The following JAK2 variants were observed in gnomAD, a reference collection of about 807,000 sequenced individuals.
JAK2 encodes Janus kinase 2.
Under a neutral mutation model 139.3 loss-of-function variants are expected in JAK2, and 86 were observed. The ratio of observed to expected loss-of-function variants is 0.62; its 90% CI spans 0.52 to 0.74. The LOEUF is 0.74. Ranked by LOEUF, JAK2 falls within the 30% of genes least tolerant of loss-of-function variation. The pLI, the probability that JAK2 is intolerant of heterozygous loss-of-function variation, is 0.00. For missense variants in JAK2, 1,421 were observed against 1,360.3 expected (o/e 1.04, Z -0.70); for synonymous variants, 490 against 437.7 (o/e 1.12, Z -1.49).
chr9:5,093,720 C>A (rs191152362), intron 22 of JAK2, among the ~76,000 whole-genome samples: 1 of 152,242 alleles, frequency 6.6e-6, no homozygotes, highest in East Asian at 1.9e-4. Context: ...ATCAACAGAA[C>A]AAGTTACCCT....
At chr9:5,072,839 G>T (rs1819061987) in intron 13 of JAK2, among the ~76,000 whole-genome samples, 1 of 152,142 alleles carries the variant, frequency 6.6e-6, no homozygotes, top group Non-Finnish European at 1.5e-5. Context: ...ATTATGTTTA[G>T]CATTATGTTA....
intron 22 of JAK2, chr9:5,098,642 A>T (rs913915664): frequency 1.3e-5 from 2 of 152,166 alleles, no homozygotes; most frequent in African/African-American, 4.8e-5. Flanking sequence ...GCAATTGGTC[A>T]TCAATGATAT....
At chr9:5,022,842 T>C (rs1248406689) in intron 3 of JAK2, among the ~76,000 whole-genome samples, 1 of 152,238 alleles carries the variant, frequency 6.6e-6, no homozygotes, top group African/African-American at 2.4e-5. Flanking sequence ...GTTCTTTTAA[T>C]AGAAAGACTA....
intron 2 of JAK2, among the ~76,000 whole-genome samples, chr9:5,014,538 A>G (rs537230764): frequency 9.2e-5 from 14 of 152,194 alleles, no homozygotes; most frequent in Non-Finnish European, 2.1e-4. Flanking sequence ...AAAATATCAG[A>G]ACAGCTGTGG....
chr9:5,111,413 C>A (rs1011087060), intron 22 of JAK2: 25 of 403,300 alleles, frequency 6.2e-5, no homozygotes, highest in Admixed American at 1.0e-4. Context: ...CCTGGACACG[C>A]AGCCCACGAA....
chr9:5,095,448 C>G (rs1820915628), intron 22 of JAK2, among the ~76,000 whole-genome samples: 1 of 151,974 alleles, frequency 6.6e-6, no homozygotes, highest in African/African-American at 2.4e-5. Context: ...TGATGGGTAT[C>G]CTTTTCAACA....
intron 12 of JAK2, among the ~76,000 whole-genome samples, chr9:5,070,891 C>T (rs1337335273): frequency 6.6e-6 from 1 of 152,096 alleles, no homozygotes; most frequent in East Asian, 1.9e-4. Context: ...AGGTCTCAGA[C>T]CTGTGCAAGG....
intron 2 of JAK2, among the ~76,000 whole-genome samples, chr9:4,993,250 T>C (rs1479013268): frequency 6.6e-6 from 1 of 152,204 alleles, no homozygotes; most frequent in East Asian, 1.9e-4. Context: ...AGATAATATT[T>C]CGTCTGAAAG....
At chr9:5,082,031 CTGAA>C (rs1205083639) in intron 19 of JAK2, among the ~76,000 whole-genome samples, 170 bp downstream of exon 19, 3 of 152,214 alleles carry the variant, frequency 2.0e-5, no homozygotes, top group African/African-American at 7.2e-5. Flanking sequence ...GCTATCTTTA[CTGAA>C]TGAAGGGGGC....
intron 22 of JAK2, among the ~76,000 whole-genome samples, chr9:5,118,722 A>C (rs1823390485): frequency 6.6e-6 from 1 of 152,220 alleles, no homozygotes; most frequent in Non-Finnish European, 1.5e-5. Context: ...TTTTGTTATA[A>C]TAGTATCATT....
At position 5,126,342 on chromosome 9, in the gene JAK2, C is replaced by G; in HGVS notation, c.3187C>G (p.Arg1063Gly). 1 of 1,597,396 alleles carries G rather than the reference C, an allele frequency of 6.3e-7. No individual in the cohort carries two copies. Among genetic ancestry groups the G allele is most frequent in the Non-Finnish European group, 8.5e-7 (1 of 1,170,230 alleles). Residue 1063 changes from arginine to glycine, a missense_variant, in exon 24 of 25, where the codon CGT becomes GGT. Coordinates refer to ENST00000381652, the MANE Select transcript of JAK2 (RefSeq NM_004972.4). ...AGTGGGTTTGTTTTAGGAATTTATG[C>G]GTATGATTGGCAATGACAAACAAGG... ...KSKSPPAEFM[R>G]MIGNDKQGQM...
chr9:5,034,841 G>A (rs1223720201), intron 4 of JAK2, among the ~76,000 whole-genome samples: 1 of 152,080 alleles, frequency 6.6e-6, no homozygotes, highest in Non-Finnish European at 1.5e-5. Flanking sequence ...AAAACCAAGA[G>A]CAAACACATT....
intron 2 of JAK2, among the ~76,000 whole-genome samples, chr9:5,017,534 G>A (rs537608873): frequency 6.6e-6 from 1 of 151,804 alleles, no homozygotes; most frequent in Admixed American, 6.6e-5. Context: ...TTAGCTTTGG[G>A]CTTTGTTCTT....
At chr9:5,031,506 G>GATTA (rs1823145032) in intron 4 of JAK2, among the ~76,000 whole-genome samples, 1 of 152,124 alleles carries the variant, frequency 6.6e-6, no homozygotes, top group Non-Finnish European at 1.5e-5. Context: ...TAGAATAGTT[G>GATTA]ATTAGCTGTT....
chr9:5,012,023 C>T (rs1298202215), intron 2 of JAK2, among the ~76,000 whole-genome samples: 3 of 152,208 alleles, frequency 2.0e-5, no homozygotes, highest in African/African-American at 7.2e-5. Flanking sequence ...TAGCTATTGC[C>T]TGTCCCTGGG....
chr9:5,106,943 A>G (rs1452953970), intron 22 of JAK2, among the ~76,000 whole-genome samples: 1 of 152,196 alleles, frequency 6.6e-6, no homozygotes, highest in East Asian at 1.9e-4. Flanking sequence ...TGACGAGTTA[A>G]TGGGTGCTGC....
intron 4 of JAK2, among the ~76,000 whole-genome samples, chr9:5,034,328 T>C (rs1403177052): frequency 2.6e-5 from 4 of 152,126 alleles, no homozygotes; most frequent in African/African-American, 7.2e-5. Context: ...ATTAGACAGA[T>C]CAACAAGACA....
intron 4 of JAK2, among the ~76,000 whole-genome samples, chr9:5,044,119 T>A (rs549753834): frequency 1.3e-5 from 2 of 152,258 alleles, no homozygotes; most frequent in Non-Finnish European, 2.9e-5. Context: ...GCTATGTTTT[T>A]AACTTTTTGT....
intron 2 of JAK2, among the ~76,000 whole-genome samples, chr9:5,004,850 A>G (rs1396963482): frequency 1.3e-5 from 2 of 150,534 alleles, no homozygotes; most frequent in South Asian, 2.1e-4. Flanking sequence ...AGATCTCACT[A>G]TGGTTTTAAT....
Sources: gnomAD v4.1 joint callset for allele counts (sites outside exome capture counted in the v4.1 genomes callset) on GRCh38, gnomAD v4.1.1 for gene constraint, MANE v1.5 for transcripts, NCBI Gene and HGNC (gene_info 2026-07-23, HGNC 2026-07-21) for gene names.